The following RAPGEF1 variants were observed in gnomAD, a reference collection of about 807,000 sequenced individuals.
RAPGEF1 encodes CRK SH3-binding GNRP.
In RAPGEF1, 33 loss-of-function variants were observed where a neutral mutation model predicts 143.3. The observed-to-expected ratio is 0.23, with a 90% confidence interval of 0.17 to 0.31. The LOEUF is 0.31. Among genes scored for constraint, RAPGEF1 ranks in the 10% least tolerant of loss-of-function variants. The pLI is 1.00. For missense variants in RAPGEF1, 1,199 were observed against 1,645.4 expected, an observed-to-expected ratio of 0.73 and a Z score of 4.69; for synonymous variants, 629 against 676.5, an observed-to-expected ratio of 0.93 and a Z score of 1.09.
rs554675080 is a variant in RAPGEF1, at chr9:131,623,426, G to T, written c.1703-1428C>A. On this transcript the variant is annotated intron_variant, in intron 10 of 26. Coordinates refer to ENST00000683357, the MANE Select transcript of RAPGEF1 (RefSeq NM_001377935.1). ...AGGTTGCAGTGAGCTATGGAAAAAA[G>T]AAAAAGATTAAACACAACCATCTCT... Among the ~76,000 whole-genome samples the T allele has an allele frequency of 9.8e-5, 15 of 152,314 alleles. 1 individual carries two copies. The South Asian group carries it at 1.9e-3, about 19-fold the overall frequency.
rs573330925 is a variant in RAPGEF1, at chr9:131,715,798, G to A, written c.61+23972C>T. 1.3e-5 allele frequency among the ~76,000 whole-genome samples: 2 copies of A among 150,844 alleles called. 1 individual carries two copies. Among genetic ancestry groups the A allele is most frequent in the South Asian group, 4.2e-4 (2 of 4,760 alleles). ...AAGAATCACTTGAACCCGGGAGGTG[G>A]AGGTTGCAGTGAGTGGAGATTGCAC... On this transcript the variant is annotated intron_variant, in intron 1 of 26. Coordinates refer to ENST00000683357, the MANE Select transcript of RAPGEF1 (RefSeq NM_001377935.1).
At chr9:131,652,473 AT>A (rs1260122660) in intron 1 of RAPGEF1, among the ~76,000 whole-genome samples, 1 of 151,632 alleles carries the variant, frequency 6.6e-6, no homozygotes, top group African/African-American at 2.4e-5. Context: ...GGGCAAAAAT[AT>A]TTTCTTTCTT....
At chr9:131,699,239 CTTT>C (rs35856609) in intron 1 of RAPGEF1, among the ~76,000 whole-genome samples, 5 of 124,786 alleles carry the variant, frequency 4.0e-5, no homozygotes, top group East Asian at 2.3e-4. Context: ...TCCACTGACA[CTTT>C]TTTTTTTTTT....
chr9:131,649,603 A>C (rs1160596694), intron 3 of RAPGEF1, among the ~76,000 whole-genome samples: 2 of 152,140 alleles, frequency 1.3e-5, no homozygotes, highest in Non-Finnish European at 2.9e-5. Flanking sequence ...TATGAAGACA[A>C]GTAAGAGGAC....
At chr9:131,669,085 G>GGGCT (rs1342228474) in intron 1 of RAPGEF1, among the ~76,000 whole-genome samples, 19 of 152,370 alleles carry the variant, frequency 1.2e-4, no homozygotes, top group African/African-American at 3.6e-4. Context: ...TGTCTAGCTG[G>GGGCT]GGCTGGGTCG....
intron 5 of RAPGEF1, among the ~76,000 whole-genome samples, chr9:131,631,436 G>A (rs771331968): frequency 2.0e-5 from 3 of 152,190 alleles, no homozygotes; most frequent in African/African-American, 4.8e-5. Flanking sequence ...GCTTCGTGTG[G>A]GCGAGGCGCC....
intron 12 of RAPGEF1, among the ~76,000 whole-genome samples, chr9:131,613,915 A>G (rs2132680960): frequency 6.6e-6 from 1 of 152,242 alleles, no homozygotes; most frequent in Middle Eastern, 3.4e-3. Flanking sequence ...GTGCTGCTAA[A>G]CCCCCAAGAA....
At chr9:131,723,390 T>C (rs1441773449) in intron 1 of RAPGEF1, among the ~76,000 whole-genome samples, 1 of 152,144 alleles carries the variant, frequency 6.6e-6, no homozygotes, top group Admixed American at 6.5e-5. Context: ...AGCAGCCATC[T>C]CCATAACTTT....
At chr9:131,607,246 C>T (rs1289559966) in intron 12 of RAPGEF1, among the ~76,000 whole-genome samples, 1 of 152,222 alleles carries the variant, frequency 6.6e-6, no homozygotes, top group Non-Finnish European at 1.5e-5. Flanking sequence ...GGTACCTGTA[C>T]AAGTGAAGTT....
intron 1 of RAPGEF1, among the ~76,000 whole-genome samples, chr9:131,726,886 C>A (rs1202659254): frequency 6.6e-6 from 1 of 152,058 alleles, no homozygotes; most frequent in Non-Finnish European, 1.5e-5. Context: ...CACCTGTAGT[C>A]CCAGCTACTC....
rs1172528247 is a variant in RAPGEF1, at chr9:131,579,503, C to A, written c.3786G>T (p.Lys1262Asn). 6.2e-7 allele frequency: 1 copy of A among 1,613,794 alleles called. No individual in the cohort carries two copies. Among genetic ancestry groups the A allele is most frequent in the Non-Finnish European group, 8.5e-7 (1 of 1,179,792 alleles). The change falls in exon 27 of 27, where the codon AAG becomes AAT. Residue 1262 changes from lysine to asparagine, a missense_variant. By Grantham distance (94) the Lys-to-Asn change is moderately conservative. Transcript: ENST00000683357. ...ITRRKTDREE[K>N]T ...TGGATCCCGGCGTCTGCTCCTAGGT[C>A]TTCTCTTCCCGGTCTGTTTTTCTCC... is the stretch of plus-strand genomic sequence containing the variant.
chr9:131,626,274 A>G lies in RAPGEF1; in HGVS notation c.1350T>C (p.Pro450=). Residue 450 remains proline, a synonymous_variant, in exon 10 of 27, where the codon CCT becomes CCC. Transcript: ENST00000683357. ...CGTCTGGCTGGGGATGGCCGCCAAG[A>G]GGCAGCTGGAAAGGAGGGCCAAGAA... The part of the protein sequence containing the change: ...SPFLGPPFQL[P]LGGHPQPDGP... The G allele has an allele frequency of 1.2e-6, 2 of 1,613,948 alleles. No homozygotes were observed. Among genetic ancestry groups the G allele is most frequent in the Non-Finnish European group, 1.7e-6 (2 of 1,179,864 alleles).
intron 12 of RAPGEF1, among the ~76,000 whole-genome samples, chr9:131,615,365 C>A (rs898363604): frequency 6.6e-6 from 1 of 152,184 alleles, no homozygotes; most frequent in Non-Finnish European, 1.5e-5. Context: ...TGAGCCACTG[C>A]ACCCAGCCGG....
chr9:131,624,606 C>A (rs747261039), intron 10 of RAPGEF1, among the ~76,000 whole-genome samples: 3 of 152,164 alleles, frequency 2.0e-5, no homozygotes, highest in Admixed American at 6.5e-5. Context: ...CTCAGAGGAC[C>A]CCTCCCCTAG....
intron 22 of RAPGEF1, among the ~76,000 whole-genome samples, chr9:131,585,110 G>A (rs1952497571): frequency 6.6e-6 from 1 of 152,210 alleles, no homozygotes; most frequent in Non-Finnish European, 1.5e-5. Context: ...CAGCAGGGAT[G>A]TCACCCTGGC....
intron 6 of RAPGEF1, 27 bp downstream of exon 6, chr9:131,630,209 G>A (rs375326806): frequency 4.8e-5 from 74 of 1,531,284 alleles, no homozygotes; most frequent in Admixed American, 1.0e-4. Context: ...CGTGACACCC[G>A]CGACACGAGG....
chr9:131,621,994 C>T lies in RAPGEF1; in HGVS notation c.1707G>A (p.Leu569=). 6.2e-7 allele frequency: 1 copy of T among 1,612,420 alleles called. No homozygotes were observed. Among genetic ancestry groups the T allele is most frequent in the Non-Finnish European group, 8.5e-7 (1 of 1,179,268 alleles). Residue 569 remains leucine, a synonymous_variant, in exon 11 of 27, where the codon CTG becomes CTA. Transcript: ENST00000683357. The surrounding 1 kb of genome is among the most constrained non-coding windows in gnomAD (Gnocchi z 4.5). The stretch of plus-strand genomic sequence containing the variant: ...AGTCCTCCAGCAACTGCATGTAGGC[C>T]AGCACTGTGAAACAAGGGAGAAAGC... ...PLPEKKNKHM[L]AYMQLLEDYS...
intron 11 of RAPGEF1, among the ~76,000 whole-genome samples, chr9:131,620,747 A>G (rs1358375049): frequency 1.3e-5 from 2 of 152,204 alleles, no homozygotes; most frequent in African/African-American, 2.4e-5. Context: ...AGGAAGGCTC[A>G]GGAACTCCTG....
At chr9:131,592,266 T>G in intron 17 of RAPGEF1, 83 bp from the exon 18 acceptor site, 1 of 1,123,788 alleles carries the variant, frequency 8.9e-7, no homozygotes, top group Non-Finnish European at 1.3e-6. Context: ...GAGTCCTTGC[T>G]CTGAGAGAGG....
Sources: gnomAD v4.1 joint callset for allele counts (sites outside exome capture counted in the v4.1 genomes callset) on GRCh38, gnomAD v4.1.1 for gene constraint, Gnocchi (gnomAD v3.1) non-coding constraint, MANE v1.5 for transcripts, NCBI Gene and HGNC (gene_info 2026-07-23, HGNC 2026-07-21) for gene names.